The following NUTF2 variants were observed in gnomAD, a reference collection of about 807,000 sequenced individuals.
NUTF2 encodes placental protein 15.
NUTF2 carries 3 observed loss-of-function variants against 18.5 expected under a neutral mutation model. The observed-to-expected ratio is 0.16, with a 90% CI of 0.07 to 0.42. The LOEUF (loss-of-function observed/expected upper bound fraction) is 0.42. Among genes scored for constraint, NUTF2 ranks in the 10% least tolerant of loss-of-function variants. NUTF2 has a pLI of 0.99. For synonymous variants in NUTF2, 51 were observed against 57.9 expected (o/e 0.88, Z 0.54); for missense variants, 44 against 160.7 (o/e 0.27, Z 3.93).
chr16:67,850,734 G>T (rs1372090946), intron 1 of NUTF2, among the ~76,000 whole-genome samples: 1 of 152,112 alleles, frequency 6.6e-6, no homozygotes, highest in Non-Finnish European at 1.5e-5. Flanking sequence ...GATGAGGCAG[G>T]ATACAAGATG....
intron 1 of NUTF2, among the ~76,000 whole-genome samples, chr16:67,858,241 C>T (rs2057911464): frequency 6.6e-6 from 1 of 152,202 alleles, no homozygotes; most frequent in South Asian, 2.1e-4. Context: ...GATCTCGGCT[C>T]ACTACAATAT....
chr16:67,848,757 G>GA (rs751592476), intron 1 of NUTF2, among the ~76,000 whole-genome samples: 4,626 of 132,842 alleles, frequency 0.035, 101 homozygotes, highest in Middle Eastern at 0.15. Flanking sequence ...AAAAGAAAAA[G>GA]AAAAAAAAAA....
At chr16:67,864,378 A>G (rs2057955141) in intron 1 of NUTF2, among the ~76,000 whole-genome samples, 1 of 152,056 alleles carries the variant, frequency 6.6e-6, no homozygotes, top group African/African-American at 2.4e-5. Flanking sequence ...GTGTGTTGGC[A>G]GGCGCCTGTA....
intron 1 of NUTF2, among the ~76,000 whole-genome samples, chr16:67,849,376 CTG>C (rs2057834631): frequency 6.6e-6 from 1 of 152,240 alleles, no homozygotes; most frequent in Admixed American, 6.5e-5. Context: ...GAGTCTCTCT[CTG>C]TCACCCAGGC....
At chr16:67,860,486 G>C (rs2057928128) in intron 1 of NUTF2, among the ~76,000 whole-genome samples, 1 of 151,884 alleles carries the variant, frequency 6.6e-6, no homozygotes, top group South Asian at 2.1e-4. Flanking sequence ...GCTGAGGCTG[G>C]TCTGGAACTC....
chr16:67,860,780 C>G (rs780699462), intron 1 of NUTF2, among the ~76,000 whole-genome samples: 1 of 152,238 alleles, frequency 6.6e-6, no homozygotes, highest in Non-Finnish European at 1.5e-5. Context: ...GAGAATCTTT[C>G]TGTGTGCCAG....
intron 1 of NUTF2, among the ~76,000 whole-genome samples, chr16:67,860,582 G>T (rs1470242776): frequency 6.6e-6 from 1 of 152,240 alleles, no homozygotes; most frequent in African/African-American, 2.4e-5. Flanking sequence ...TGGGCCTGAG[G>T]GGTTTAAGCC....
intron 1 of NUTF2, among the ~76,000 whole-genome samples, chr16:67,856,425 C>G (rs964343327): frequency 6.6e-6 from 1 of 151,556 alleles, no homozygotes; most frequent in Non-Finnish European, 1.5e-5. Context: ...TTCCTGACTT[C>G]ATGATCCACC....
In NUTF2 at chr16:67,865,503, T is replaced by C. The variant is rs78875300; in HGVS notation, c.99+274T>C. Reference sequence around the variant, plus strand: ...ATTTGTCATGGCACATGGTTTTGGATTGGGCAGCAACAGGCAGAGGTTAGG... The same window carrying C: ...ATTTGTCATGGCACATGGTTTTGGACTGGGCAGCAACAGGCAGAGGTTAGG... On this transcript the variant is annotated intron_variant, in intron 2 of 4. Transcript: ENST00000219169. Among the ~76,000 whole-genome samples, 1,471 of 152,300 alleles carry C rather than the reference T, an allele frequency of 9.7e-3. 21 individuals are homozygous for C. The highest frequency in any genetic ancestry group is 0.033 in the African/African-American group (1,373 of 41,554).
At chr16:67,870,577 C>G (rs1420247792) in intron 4 of NUTF2, 3 of 557,088 alleles carry the variant, frequency 5.4e-6, no homozygotes, top group African/African-American at 1.9e-5. Flanking sequence ...GCACACATAG[C>G]ACACATAGGC....
At chr16:67,853,349 G>T (rs1235623328) in intron 1 of NUTF2, among the ~76,000 whole-genome samples, 1 of 152,028 alleles carries the variant, frequency 6.6e-6, no homozygotes, top group Non-Finnish European at 1.5e-5. Context: ...GCACCATCAC[G>T]CTTGGCTAAT....
At chr16:67,862,043 G>T (rs1020968883) in intron 1 of NUTF2, among the ~76,000 whole-genome samples, 2 of 152,150 alleles carry the variant, frequency 1.3e-5, no homozygotes, top group African/African-American at 4.8e-5. Flanking sequence ...CTGGATCGAG[G>T]TAGGAGGGAA....
intron 1 of NUTF2, 65 bp downstream of exon 1, chr16:67,847,050 G>A (rs2057806249): frequency 6.6e-6 from 1 of 151,504 alleles, no homozygotes; most frequent in African/African-American, 2.4e-5. Context: ...CTGGGCTGCC[G>A]GGAGGCTCCG....
chr16:67,858,874 CT>C (rs1207363589), intron 1 of NUTF2, among the ~76,000 whole-genome samples: 482 of 140,102 alleles, frequency 3.4e-3, no homozygotes, highest in South Asian at 5.7e-3. Flanking sequence ...CTTCAGGACA[CT>C]TTTTTTTTTT....
chr16:67,855,894 G>C lies in NUTF2; in HGVS notation c.-30+8909G>C, dbSNP rs889623462. 217 of 449,564 alleles carry C rather than the reference G, an allele frequency of 4.8e-4. 4 individuals are homozygous for C. The highest frequency in any genetic ancestry group is 6.6e-4 in the Non-Finnish European group (164 of 249,214). 27.8% of individuals were successfully genotyped at this position (449,564 alleles called of 1,614,324 possible). ...CACCCGATTTTTTTTTGGCGGGGGG[G>C]GGGGATGGGGGAAATGAGAATAACT... is the stretch of plus-strand genomic sequence containing the variant. On this transcript the variant is annotated intron_variant, in intron 1 of 4. Coordinates refer to ENST00000219169, the MANE Select transcript of NUTF2 (RefSeq NM_005796.3).
intron 1 of NUTF2, among the ~76,000 whole-genome samples, chr16:67,859,822 T>G (rs955495403): frequency 9.6e-5 from 6 of 62,430 alleles, no homozygotes; most frequent in African/African-American, 2.4e-4. Context: ...TTTTTTTTTT[T>G]GGAGATGGAG....
rs765784195 is a variant in NUTF2, at chr16:67,868,653, G to A, written c.270+54G>A. The stretch of plus-strand genomic sequence containing the variant: ...GGGTGGGCAGGCAGAGGAGAGTCTT[G>A]TACCCCTGCTTTCCCTGTGGATGTG... On this transcript the variant is annotated intron_variant, in intron 4 of 4. Transcript: ENST00000219169. 4.0e-6 allele frequency: 6 copies of A among 1,505,188 alleles called. No homozygotes were observed. In the Admixed American group the frequency reaches 6.7e-5, roughly 17 times the overall value. The allele number at this position is 1,505,188 out of a possible 1,614,324, so 93.2% of individuals were successfully genotyped here. A position where few individuals can be genotyped will look rare whatever the true frequency, so the allele number is the denominator to read the frequency against.
At chr16:67,860,510 A>T (rs1262954638) in intron 1 of NUTF2, among the ~76,000 whole-genome samples, 1 of 152,104 alleles carries the variant, frequency 6.6e-6, no homozygotes, top group African/African-American at 2.4e-5. Context: ...GACTCAAGTG[A>T]TCCTCCTGCG....
At chr16:67,848,616 C>T (rs2057826424) in intron 1 of NUTF2, among the ~76,000 whole-genome samples, 1 of 151,364 alleles carries the variant, frequency 6.6e-6, no homozygotes, top group African/African-American at 2.4e-5. Flanking sequence ...GTGGCGTGCA[C>T]CTGTAATCCC....
Sources: gnomAD v4.1 joint callset for allele counts (sites outside exome capture counted in the v4.1 genomes callset) on GRCh38, gnomAD v4.1.1 for gene constraint, MANE v1.5 for transcripts, NCBI Gene and HGNC (gene_info 2026-07-23, HGNC 2026-07-21) for gene names.